Variants in DRP2 observed in about 807,000 individuals in gnomAD.
DRP2 encodes dystrophin related protein 2.
In DRP2, 29 loss-of-function variants were observed where a neutral mutation model predicts 78.2. The ratio of observed to expected loss-of-function variants is 0.37; its 90% CI spans 0.28 to 0.51. DRP2 has a LOEUF of 0.51. Among genes scored for constraint, DRP2 ranks in the 20% least tolerant of loss-of-function variants. The probability of loss-of-function intolerance (pLI) is 0.94; values close to 1 mark genes in which losing one functional copy is unlikely to be tolerated. For missense variants in DRP2, 686 were observed against 770.6 expected (o/e 0.89, Z 1.30); for synonymous variants, 290 against 281.9 (o/e 1.03, Z -0.29).
chrX:101,240,212 G>A (rs1922667300), intron 6 of DRP2, among the ~76,000 whole-genome samples: 1 of 111,977 alleles, frequency 8.9e-6, no homozygotes, highest in Non-Finnish European at 1.9e-5. Flanking sequence ...ATGACTCTTT[G>A]GAATTTTTTT....
rs1377942056 is a variant in DRP2, at chrX:101,256,112, A to G, written c.2247-6A>G. On this transcript the variant is annotated splice_region_variant and splice_polypyrimidine_tract_variant and intron_variant, in intron 20 of 23. Coordinates refer to ENST00000395209, the MANE Select transcript of DRP2 (RefSeq NM_001939.3). ...CACCTACTCTGCTTTCCCCACACCC[A>G]TGCAGAGACGAGGACCAGTACCTGC... 5 of 1,178,219 alleles carry G rather than the reference A, an allele frequency of 4.2e-6. No homozygotes were observed. In the African/African-American group the frequency reaches 8.9e-5, roughly 21 times the overall value.
chrX:101,243,050 C>T (rs1222739282), intron 9 of DRP2, 68 bp downstream of exon 9: 3 of 1,020,215 alleles, frequency 2.9e-6, no homozygotes, highest in Non-Finnish European at 4.1e-6. Flanking sequence ...CTATTGTTAT[C>T]CCCTGGGGCC....
At chrX:101,220,528 T>A (rs1921859462) in intron 1 of DRP2, among the ~76,000 whole-genome samples, 1 of 110,508 alleles carries the variant, frequency 9.0e-6, no homozygotes, top group Admixed American at 9.7e-5. Flanking sequence ...GGGCATTTAT[T>A]TATTTTAGGT....
At position 101,237,258 on chromosome X, in the gene DRP2, C is replaced by T. The variant is rs142518871; in HGVS notation, c.282-361C>T. On this transcript the variant is annotated intron_variant, in intron 4 of 23. Coordinates refer to ENST00000395209, the MANE Select transcript of DRP2 (RefSeq NM_001939.3). Reference sequence around the variant, plus strand: ...AATTCTACCAGGGCAAGAGGGGAACCAGACAGCTGTCACCTCTAATGCCCT... The same window carrying T: ...AATTCTACCAGGGCAAGAGGGGAACTAGACAGCTGTCACCTCTAATGCCCT... Among the ~76,000 whole-genome samples, 9 of 112,113 alleles carry T rather than the reference C, an allele frequency of 8.0e-5. No individual in the cohort carries two copies. In the East Asian group the frequency reaches 2.5e-3, roughly 31 times the overall value.
At chrX:101,237,004 AG>A (rs1569508448) in intron 4 of DRP2, among the ~76,000 whole-genome samples, 1 of 111,412 alleles carries the variant, frequency 9.0e-6, no homozygotes, top group East Asian at 2.8e-4. Flanking sequence ...GCAGCGGGGT[AG>A]GAGGGCAGAC....
intron 3 of DRP2, 125 bp downstream of exon 3, chrX:101,231,889 G>A (rs1244851661): frequency 1.3e-5 from 7 of 520,173 alleles, no homozygotes; most frequent in Non-Finnish European, 2.3e-5. Context: ...CCCTTGGATA[G>A]CATGGGGAAT....
chrX:101,254,735 A>T, intron 18 of DRP2, 124 bp from the exon 19 acceptor site: 1 of 1,050,908 alleles, frequency 9.5e-7, no homozygotes, highest in Admixed American at 2.3e-5. Context: ...GTAGACTGGA[A>T]TCCAGTCTTT....
chrX:101,259,777 C>T (rs371198338), intron 22 of DRP2, among the ~76,000 whole-genome samples: 1 of 112,145 alleles, frequency 8.9e-6, no homozygotes, highest in African/African-American at 3.2e-5. Flanking sequence ...GGATTACAGG[C>T]GTGAGCCACC....
chrX:101,254,977 G>A (rs974604209), intron 19 of DRP2, 53 bp downstream of exon 19: 50 of 1,191,791 alleles, frequency 4.2e-5, no homozygotes, highest in Non-Finnish European at 5.7e-5. Flanking sequence ...AAGTCCGAGG[G>A]GAAAGGATCT....
rs1190828429 is a variant in DRP2, at chrX:101,249,589, T to C, written c.1541-834T>C. On this transcript the variant is annotated intron_variant, in intron 14 of 23. Coordinates refer to ENST00000395209, the MANE Select transcript of DRP2 (RefSeq NM_001939.3). ...CCTAGACAATATAGTGAGACTCCAT[T>C]TCTAATTTTAAAAAGTAAGGAAATG... 9.0e-5 allele frequency among the ~76,000 whole-genome samples: 10 copies of C among 111,354 alleles called. 1 individual carries two copies. In the Middle Eastern group the frequency reaches 0.014, roughly 153 times the overall value.
At chrX:101,222,287 A>G (rs938643141) in intron 1 of DRP2, among the ~76,000 whole-genome samples, 6 of 111,944 alleles carry the variant, frequency 5.4e-5, no homozygotes, top group Non-Finnish European at 1.1e-4. Context: ...TGCCTCTTGC[A>G]GATACAGTTT....
rs745522227 is a variant in DRP2 at position 101,248,046 on chromosome X, CT to C, written c.1253-39del. The C allele has an allele frequency of 8.6e-6, 10 of 1,164,256 alleles. No homozygotes were observed. In the East Asian group the frequency reaches 2.7e-4, roughly 31 times the overall value. On this transcript the variant is annotated intron_variant, in intron 12 of 23. Transcript: ENST00000395209. ...TCCTTATTTAATCCCTGGGGTTCTA[CT>C]TTTGGCTATATTTTTTTTCTCTTCT...
At chrX:101,248,429 G>A in intron 13 of DRP2, 85 bp from the exon 14 acceptor site, 2 of 1,134,842 alleles carry the variant, frequency 1.8e-6, no homozygotes, top group Non-Finnish European at 2.4e-6. Flanking sequence ...GGCCCTGCTG[G>A]GATCAACTTT....
chrX:101,241,474 TA>T (rs200908628), intron 6 of DRP2, among the ~76,000 whole-genome samples, 193 bp from the exon 7 acceptor site: 183 of 110,084 alleles, frequency 1.7e-3, no homozygotes, highest in Middle Eastern at 4.6e-3. Flanking sequence ...AGTTTTTTTT[TA>T]AAAAAAACGT....
Position 101,242,946 on chromosome X carries a change from C to T in DRP2, c.1018C>T (p.Arg340Trp), listed in dbSNP as rs1322622414. Reference sequence around the variant, plus strand: ...GCTTAAGCAGCTCCAGGATGCCCACCGGGACTTTGGGCCTGGGTCACAGCA... The same window carrying T: ...GCTTAAGCAGCTCCAGGATGCCCACTGGGACTTTGGGCCTGGGTCACAGCA... ...ERLKQLQDAH[R>W]DFGPGSQHFL... is the part of the protein sequence containing the mutation. The change falls in exon 9 of 24, where the codon CGG becomes TGG. Residue 340 changes from arginine (R) to tryptophan (W), a missense_variant. Physicochemically the swap from Arg to Trp is moderately radical, Grantham distance 101. Around this residue, in one of 2 missense-constraint regions of DRP2, gnomAD observed 423 missense variants for 531.5 expected, o/e 0.80. Coordinates refer to ENST00000395209, the MANE Select transcript of DRP2 (RefSeq NM_001939.3). 40 of 1,208,671 alleles carry T rather than the reference C, an allele frequency of 3.3e-5. No individual in the cohort carries two copies. The highest frequency in any genetic ancestry group is 2.3e-4 in the Middle Eastern group (1 of 4,364).
At chrX:101,233,808 C>T (rs531616206) in intron 3 of DRP2, among the ~76,000 whole-genome samples, 2 of 111,698 alleles carry the variant, frequency 1.8e-5, no homozygotes, top group South Asian at 7.5e-4. Flanking sequence ...ACTGCTGGGT[C>T]CCAGTGACCC....
intron 16 of DRP2, 61 bp downstream of exon 16, chrX:101,251,144 A>G: frequency 2.9e-6 from 3 of 1,052,393 alleles, no homozygotes; most frequent in South Asian, 2.3e-5. Flanking sequence ...CATATAACTC[A>G]GATATTAAAA....
chrX:101,255,990 C>T, intron 20 of DRP2, 128 bp from the exon 21 acceptor site: 1 of 884,969 alleles, frequency 1.1e-6, no homozygotes, highest in Non-Finnish European at 1.5e-6. Flanking sequence ...CAGTATATGT[C>T]CTTTCCCTCT....
At chrX:101,238,956 T>C in intron 5 of DRP2, 25 bp from the exon 6 acceptor site, 2 of 1,201,727 alleles carry the variant, frequency 1.7e-6, no homozygotes, top group African/African-American at 3.5e-5. Flanking sequence ...TCCTTTCCTG[T>C]TGACCATATT....
Sources: gnomAD v4.1 joint callset for allele counts (sites outside exome capture counted in the v4.1 genomes callset) on GRCh38, gnomAD v4.1.1 for gene constraint, gnomAD v4.1.1 regional missense constraint, MANE v1.5 for transcripts, NCBI Gene and HGNC (gene_info 2026-07-23, HGNC 2026-07-21) for gene names.